AKAP6: variants seen among roughly 807,000 people sequenced by gnomAD.
AKAP6 encodes the protein A-kinase anchor protein 6.
In AKAP6, 58 loss-of-function variants were observed where a neutral mutation model predicts 188.5. The observed-to-expected ratio is 0.31, with a 90% CI of 0.25 to 0.38. The LOEUF (loss-of-function observed/expected upper bound fraction) is 0.38. Ranked by LOEUF, AKAP6 falls within the 10% of genes least tolerant of loss-of-function variation. AKAP6 has a pLI of 1.00. For missense variants in AKAP6, 2,710 were observed against 2,740.0 expected (o/e 0.99, Z 0.24); for synonymous variants, 989 against 998.6 (o/e 0.99, Z 0.18).
intron 1 of AKAP6, among the ~76,000 whole-genome samples, chr14:32,349,830 A>T (rs985318086): frequency 6.6e-6 from 1 of 152,202 alleles, no homozygotes. Context: ...AACATTTTAG[A>T]TGTGTGTTAG....
At chr14:32,598,153 G>A (rs17506736) in intron 5 of AKAP6, among the ~76,000 whole-genome samples, 9,171 of 152,196 alleles carry the variant, frequency 0.06, 435 homozygotes, top group Non-Finnish European at 0.096. Flanking sequence ...CTTCTTTAAC[G>A]CAAAATTATA....
Position 32,466,845 on chromosome 14 carries a change from A to ATT in AKAP6, c.324+33031_324+33032dup, listed in dbSNP as rs200800623. 6.7e-3 allele frequency among the ~76,000 whole-genome samples: 964 copies of ATT among 144,218 alleles called. 33 individuals are homozygous for ATT. Among genetic ancestry groups the ATT allele is most frequent in the African/African-American group, 0.023 (891 of 38,056 alleles). The allele number at this position is 144,218 out of a possible 152,430, so 94.6% of individuals were successfully genotyped here. On this transcript the variant is annotated intron_variant, in intron 2 of 13. Coordinates refer to ENST00000280979, the MANE Select transcript of AKAP6 (RefSeq NM_004274.5). ...AACAAGATTATATATATATATATAT[A>ATT]TTTTCTTTCTTAGCAAGACTAATTC...
intron 7 of AKAP6, among the ~76,000 whole-genome samples, chr14:32,630,605 C>A (rs1003184121): frequency 3.3e-5 from 5 of 151,914 alleles, no homozygotes; most frequent in African/African-American, 1.2e-4. Flanking sequence ...GCAATGATCC[C>A]AACAGAAGTG....
chr14:32,563,213 G>A (rs1884030675), intron 4 of AKAP6, among the ~76,000 whole-genome samples: 2 of 152,320 alleles, frequency 1.3e-5, no homozygotes, highest in Non-Finnish European at 2.9e-5. Flanking sequence ...GTGAAGCATG[G>A]TGACTATGAA....
intron 1 of AKAP6, among the ~76,000 whole-genome samples, chr14:32,350,828 T>G (rs1005363332): frequency 3.9e-5 from 6 of 152,168 alleles, no homozygotes; most frequent in Non-Finnish European, 8.8e-5. Flanking sequence ...ATTTATTTTT[T>G]AAAAATCAGA....
intron 7 of AKAP6, among the ~76,000 whole-genome samples, chr14:32,639,328 A>G (rs1302524410): frequency 6.6e-6 from 1 of 152,138 alleles, no homozygotes; most frequent in Admixed American, 6.6e-5. Flanking sequence ...TATATGTCAG[A>G]TTTTTAGAGG....
At chr14:32,779,415 C>CAAAAAAAAAAAA (rs56103737) in intron 12 of AKAP6, among the ~76,000 whole-genome samples, 4 of 105,344 alleles carry the variant, frequency 3.8e-5, no homozygotes, top group South Asian at 3.6e-4. Flanking sequence ...GTCTCAGGAC[C>CAAAAAAAAAAAA]AAAAAAAAAA....
At chr14:32,648,451 A>C (rs944101864) in intron 7 of AKAP6, among the ~76,000 whole-genome samples, 1 of 152,098 alleles carries the variant, frequency 6.6e-6, no homozygotes, top group Non-Finnish European at 1.5e-5. Flanking sequence ...AAGCACCTTA[A>C]GCAAGAAGGA....
At chr14:32,797,836 T>C (rs1295237598) in intron 12 of AKAP6, among the ~76,000 whole-genome samples, 3 of 149,576 alleles carry the variant, frequency 2.0e-5, no homozygotes, top group African/African-American at 7.4e-5. Context: ...TTTCTGGACA[T>C]AGGCCCTTGC....
intron 11 of AKAP6, among the ~76,000 whole-genome samples, chr14:32,737,397 A>G (rs986995297): frequency 6.6e-5 from 10 of 152,216 alleles, no homozygotes; most frequent in African/African-American, 2.4e-4. Flanking sequence ...CATTCACTGG[A>G]AGAATGGAAG....
intron 2 of AKAP6, among the ~76,000 whole-genome samples, chr14:32,519,735 A>G (rs1176455374): frequency 1.3e-5 from 2 of 152,186 alleles, no homozygotes; most frequent in Non-Finnish European, 2.9e-5. Context: ...AGACTCCCAC[A>G]TAATAATAAT....
intron 1 of AKAP6, among the ~76,000 whole-genome samples, chr14:32,373,892 A>C (rs975053044): frequency 1.3e-5 from 2 of 152,026 alleles, no homozygotes; most frequent in African/African-American, 4.8e-5. Context: ...AGGAAGAAAA[A>C]CCCTTACTCC....
chr14:32,383,081 G>C (rs1234814858), intron 1 of AKAP6, among the ~76,000 whole-genome samples: 1 of 135,312 alleles, frequency 7.4e-6, no homozygotes, highest in East Asian at 2.2e-4. Flanking sequence ...CAGGAGGGCA[G>C]ATTTTATGTG....
chr14:32,552,325 T>C (rs1257696286), intron 4 of AKAP6, among the ~76,000 whole-genome samples: 1 of 152,062 alleles, frequency 6.6e-6, no homozygotes, highest in African/African-American at 2.4e-5. Flanking sequence ...GGAGACTAGA[T>C]GGAGAAAAGC....
At chr14:32,533,637 C>A (rs1882533778) in intron 2 of AKAP6, among the ~76,000 whole-genome samples, 1 of 152,140 alleles carries the variant, frequency 6.6e-6, no homozygotes, top group South Asian at 2.1e-4. Flanking sequence ...CAGAACAACA[C>A]AGAAATGAAC....
intron 1 of AKAP6, among the ~76,000 whole-genome samples, chr14:32,381,626 A>C (rs1312982929): frequency 1.3e-5 from 2 of 152,204 alleles, no homozygotes; most frequent in East Asian, 3.9e-4. Flanking sequence ...ACTAGGAGAC[A>C]GTGAAGTTTA....
chr14:32,799,088 T>G (rs1404791364), intron 12 of AKAP6, among the ~76,000 whole-genome samples: 1 of 152,164 alleles, frequency 6.6e-6, no homozygotes, highest in Non-Finnish European at 1.5e-5. Context: ...ACAATATATT[T>G]TTGCTTAGTA....
At chr14:32,473,684 G>C (rs10872866) in intron 2 of AKAP6, 2 of 152,072 alleles carry the variant, frequency 1.3e-5, no homozygotes, top group African/African-American at 2.4e-5. Context: ...GGTGCGGGGG[G>C]ACTGACATTC....
At chr14:32,712,130 A>G (rs1261409122) in intron 9 of AKAP6, among the ~76,000 whole-genome samples, 1 of 152,066 alleles carries the variant, frequency 6.6e-6, no homozygotes, top group Non-Finnish European at 1.5e-5. Flanking sequence ...TAAGGCAAAT[A>G]TCATAATAAA....
Sources: gnomAD v4.1 joint callset for allele counts (sites outside exome capture counted in the v4.1 genomes callset) on GRCh38, gnomAD v4.1.1 for gene constraint, MANE v1.5 for transcripts, NCBI Gene and HGNC (gene_info 2026-07-23, HGNC 2026-07-21) for gene names.